Variants in EPB41L2 observed in about 807,000 individuals in gnomAD.
The protein encoded by EPB41L2 is erythrocyte membrane protein band 4.1 like 2, also known as band 4.1-like protein 2.
In EPB41L2, 43 loss-of-function variants were observed where a neutral mutation model predicts 113.0. The ratio of observed to expected loss-of-function variants is 0.38; its 90% confidence interval spans 0.30 to 0.49. The LOEUF (loss-of-function observed/expected upper bound fraction) is 0.49, where lower values mean the gene tolerates loss of function less well. Ranked by LOEUF, EPB41L2 falls within the 20% of genes least tolerant of loss-of-function variation. EPB41L2 has a pLI of 0.95. For synonymous variants in EPB41L2, 442 were observed against 436.7 expected, an observed-to-expected ratio of 1.01 and a Z score of -0.15; for missense variants, 1,147 against 1,223.4, an observed-to-expected ratio of 0.94 and a Z score of 0.93.
At chr6:131,057,194 C>A (rs538908271) in intron 1 of EPB41L2, among the ~76,000 whole-genome samples, 1 of 152,190 alleles carries the variant, frequency 6.6e-6, no homozygotes, top group South Asian at 2.1e-4. Context: ...TCCTAAAGTT[C>A]TCTTTCTCCC....
chr6:130,858,060 C>T (rs1018193499), intron 19 of EPB41L2, 71 bp downstream of exon 19: 1 of 1,197,178 alleles, frequency 8.4e-7, no homozygotes, highest in South Asian at 1.2e-5. Flanking sequence ...ACTTTCATTT[C>T]ACATCCTTTC....
At chr6:130,977,767 G>A (rs1402121827) in intron 1 of EPB41L2, among the ~76,000 whole-genome samples, 4 of 152,158 alleles carry the variant, frequency 2.6e-5, no homozygotes, top group Non-Finnish European at 1.5e-5. Flanking sequence ...TTAGCTACAC[G>A]TATAACATAA....
Position 130,894,375 on chromosome 6 carries a change from T to C in EPB41L2, c.1456A>G (p.Lys486Glu). ...PNHRAAKRLW[K>E]VCVEHHTFYR... ...AAAGTATGATGCTCCACGCACACTT[T>C]CCATAGTCTTTTCGCTGCCCGGTGG... The change falls in exon 10 of 20, where the codon AAA becomes GAA. Residue 486 changes from lysine (K) to glutamate (E), a missense_variant. Lys to Glu is a moderately conservative substitution (Grantham distance 56). Coordinates refer to ENST00000337057, the MANE Select transcript of EPB41L2 (RefSeq NM_001431.4). 1 of 1,613,898 alleles carries C rather than the reference T, an allele frequency of 6.2e-7. No individual in the cohort carries two copies. Among genetic ancestry groups the C allele is most frequent in the Non-Finnish European group, 8.5e-7 (1 of 1,179,848 alleles).
chr6:130,850,558 T>C (rs1381203214), intron 19 of EPB41L2, among the ~76,000 whole-genome samples: 5 of 152,008 alleles, frequency 3.3e-5, no homozygotes, highest in Non-Finnish European at 5.9e-5. Flanking sequence ...GGGGTGTGTG[T>C]ATGTGAGTGT....
chr6:130,973,937 C>T (rs1777518991), intron 1 of EPB41L2, among the ~76,000 whole-genome samples: 1 of 152,148 alleles, frequency 6.6e-6, no homozygotes, highest in Non-Finnish European at 1.5e-5. Flanking sequence ...AATGTGAAAA[C>T]TTCTAACCTA....
intron 1 of EPB41L2, among the ~76,000 whole-genome samples, chr6:131,011,964 G>A (rs1295115887): frequency 6.6e-6 from 1 of 152,180 alleles, no homozygotes; most frequent in Admixed American, 6.5e-5. Flanking sequence ...CAGCACTTTG[G>A]GAGACCAAGG....
chr6:131,010,757 T>C (rs1384482526), intron 1 of EPB41L2, among the ~76,000 whole-genome samples: 1 of 152,128 alleles, frequency 6.6e-6, no homozygotes, highest in African/African-American at 2.4e-5. Flanking sequence ...TTTGAGTGTG[T>C]AAATCCATAT....
intron 12 of EPB41L2, 62 bp downstream of exon 12, chr6:130,885,034 C>A (rs1359613403): frequency 2.6e-6 from 4 of 1,556,344 alleles, no homozygotes; most frequent in African/African-American, 1.4e-5. Flanking sequence ...ACAGAAAATA[C>A]AACAGATACC....
intron 1 of EPB41L2, among the ~76,000 whole-genome samples, chr6:130,962,509 G>C (rs892034004): frequency 6.6e-6 from 1 of 152,048 alleles, no homozygotes; most frequent in Non-Finnish European, 1.5e-5. Context: ...TATCTATATG[G>C]GGAGGATGAA....
chr6:130,907,196 G>A (rs1349734985), intron 5 of EPB41L2, among the ~76,000 whole-genome samples: 2 of 152,158 alleles, frequency 1.3e-5, no homozygotes, highest in Non-Finnish European at 2.9e-5. Flanking sequence ...GGGTCACTTG[G>A]CAGGTCTGGT....
chr6:130,865,608 C>T lies in EPB41L2; in HGVS notation c.2757G>A (p.Ser919=), dbSNP rs779533012. The change falls in exon 17 of 20, where the codon TCG becomes TCA. Residue 919 remains serine (S), a synonymous_variant. Transcript: ENST00000337057. ...TGGTTTGTGCGGTCAGTAACGTGCCCGAATCACCACCAGCCCCGCCATCAA... is the reference window on the plus strand; with the variant it reads ...TGGTTTGTGCGGTCAGTAACGTGCCTGAATCACCACCAGCCCCGCCATCAA... ...PQIDGGAGGD[S]GTLLTAQTIT... 3 of 1,614,034 alleles carry T rather than the reference C, an allele frequency of 1.9e-6. No individual in the cohort carries two copies. Among genetic ancestry groups the T allele is most frequent in the East Asian group, 4.5e-5 (2 of 44,872 alleles).
intron 1 of EPB41L2, among the ~76,000 whole-genome samples, chr6:131,043,114 C>T (rs978010595): frequency 1.3e-5 from 2 of 152,064 alleles, no homozygotes; most frequent in African/African-American, 2.4e-5. Context: ...GCCTGGTAAA[C>T]ATGGCAAAAC....
intron 3 of EPB41L2, 125 bp from the exon 4 acceptor site, chr6:130,926,834 TCTA>T: frequency 1.6e-6 from 1 of 640,034 alleles, no homozygotes; most frequent in South Asian, 2.3e-5. Context: ...TTTCTCATTT[TCTA>T]ACAATATAAA....
At chr6:131,004,386 T>TA (rs1167663845) in intron 1 of EPB41L2, among the ~76,000 whole-genome samples, 1 of 152,146 alleles carries the variant, frequency 6.6e-6, no homozygotes, top group African/African-American at 2.4e-5. Context: ...TTTCTTGACA[T>TA]AAAGTAAACA....
At chr6:130,976,055 CT>C (rs56674382) in intron 1 of EPB41L2, among the ~76,000 whole-genome samples, 4 of 151,278 alleles carry the variant, frequency 2.6e-5, no homozygotes, top group Admixed American at 6.6e-5. Context: ...AAACAAAACT[CT>C]TTTTTTTTAT....
At chr6:130,941,304 T>C (rs1185716286) in intron 3 of EPB41L2, among the ~76,000 whole-genome samples, 1 of 152,202 alleles carries the variant, frequency 6.6e-6, no homozygotes, top group Admixed American at 6.5e-5. Context: ...CAGCAAGACT[T>C]AGCTTAAGTC....
At chr6:130,845,353 G>A (rs1776700194) in intron 19 of EPB41L2, among the ~76,000 whole-genome samples, 1 of 150,194 alleles carries the variant, frequency 6.7e-6, no homozygotes, top group African/African-American at 2.5e-5. Flanking sequence ...TCGAAGCAGA[G>A]GAATCAAACT....
chr6:130,955,908 G>A, intron 2 of EPB41L2, 86 bp downstream of exon 2: 1 of 1,523,532 alleles, frequency 6.6e-7, no homozygotes, highest in Non-Finnish European at 8.7e-7. Flanking sequence ...CAAGAAATCT[G>A]GAAATGATCC....
At chr6:130,949,846 T>C (rs1013202574) in intron 3 of EPB41L2, among the ~76,000 whole-genome samples, 3 of 152,148 alleles carry the variant, frequency 2.0e-5, no homozygotes, top group African/African-American at 4.8e-5. Context: ...GAGACCTTAA[T>C]GATAATCCAC....
Sources: gnomAD v4.1 joint callset for allele counts (sites outside exome capture counted in the v4.1 genomes callset) on GRCh38, gnomAD v4.1.1 for gene constraint, MANE v1.5 for transcripts, NCBI Gene and HGNC (gene_info 2026-07-23, HGNC 2026-07-21) for gene names.